The following PCDH11X variants were observed in gnomAD, a reference collection of about 807,000 sequenced individuals.
PCDH11X encodes the protein protocadherin-11 X-linked.
PCDH11X carries 18 observed loss-of-function variants against 53.3 expected under a neutral mutation model. That is an observed-to-expected ratio of 0.34 (90% CI 0.23 to 0.50). The LOEUF (loss-of-function observed/expected upper bound fraction) is 0.50, where lower values mean the gene tolerates loss of function less well. Ranked by LOEUF, PCDH11X falls within the 20% of genes least tolerant of loss-of-function variation. PCDH11X has a pLI of 0.98. For synonymous variants in PCDH11X, 279 were observed against 393.3 expected, an observed-to-expected ratio of 0.71 and a Z score of 3.44; for missense variants, 570 against 1,032.4, an observed-to-expected ratio of 0.55 and a Z score of 6.14.
chrX:92,587,084 G>A (rs1465841132), intron 10 of PCDH11X, among the ~76,000 whole-genome samples: 1 of 105,935 alleles, frequency 9.4e-6, no homozygotes, highest in Non-Finnish European at 1.9e-5. Context: ...GGAAGCTGCT[G>A]AAAGTGCAAG....
intron 8 of PCDH11X, among the ~76,000 whole-genome samples, chrX:92,276,206 G>A (rs980568277): frequency 1.8e-5 from 2 of 108,381 alleles, no homozygotes; most frequent in African/African-American, 3.4e-5. Flanking sequence ...AGAAGGTAAT[G>A]TGGAGTGGGT....
chrX:92,058,725 A>G (rs1302499677), intron 6 of PCDH11X, among the ~76,000 whole-genome samples: 4 of 110,025 alleles, frequency 3.6e-5, no homozygotes, highest in Non-Finnish European at 7.6e-5. Flanking sequence ...GCAGTAATGC[A>G]TGTGTGTTTA....
intron 6 of PCDH11X, among the ~76,000 whole-genome samples, chrX:91,981,615 A>T (rs902446477): frequency 8.9e-6 from 1 of 111,740 alleles, no homozygotes; most frequent in African/African-American, 3.3e-5. Context: ...GCTGATAAAG[A>T]CATACCTGAG....
In PCDH11X at chrX:92,522,123, T is replaced by A. The variant is rs149256012; in HGVS notation, c.3367+53801T>A. 3.9e-3 allele frequency among the ~76,000 whole-genome samples: 441 copies of A among 112,306 alleles called. 1 individual carries two copies. The highest frequency in any genetic ancestry group is 0.014 in the African/African-American group (421 of 30,969). On this transcript the variant is annotated intron_variant, in intron 10 of 10. Transcript: ENST00000682573. Reference sequence around the variant, plus strand: ...TGCAGTCACAACTTGGCAAACTATTTGGTGCAAGAGGTCTAGCTTTTGGCT... The same window carrying A: ...TGCAGTCACAACTTGGCAAACTATTAGGTGCAAGAGGTCTAGCTTTTGGCT...
At chrX:91,793,285 T>C (rs1935619809) in intron 1 of PCDH11X, among the ~76,000 whole-genome samples, 1 of 107,950 alleles carries the variant, frequency 9.3e-6, no homozygotes, top group East Asian at 2.9e-4. Flanking sequence ...GGAATAATAT[T>C]TGTTTTATCA....
chrX:92,062,896 C>T (rs1473849596), intron 6 of PCDH11X, among the ~76,000 whole-genome samples: 2 of 111,425 alleles, frequency 1.8e-5, no homozygotes, highest in Non-Finnish European at 3.8e-5. Context: ...CACATGCACA[C>T]TTATGTTTGT....
chrX:92,409,765 T>C (rs2071603699), intron 9 of PCDH11X, among the ~76,000 whole-genome samples: 1 of 112,247 alleles, frequency 8.9e-6, no homozygotes, highest in African/African-American at 3.2e-5. Context: ...TAACTGTATT[T>C]GATTCACATT....
chrX:92,425,488 G>A (rs965430916), intron 9 of PCDH11X, among the ~76,000 whole-genome samples: 1 of 106,610 alleles, frequency 9.4e-6, no homozygotes, highest in Non-Finnish European at 1.9e-5. Context: ...TTTCAAATTA[G>A]AGACGGTGAA....
At chrX:92,201,834 A>G (rs777729953) in intron 7 of PCDH11X, among the ~76,000 whole-genome samples, 1 of 111,853 alleles carries the variant, frequency 8.9e-6, no homozygotes, top group East Asian at 2.8e-4. Context: ...TTTTATGTTA[A>G]TTAGGCAAAT....
At chrX:92,535,630 C>A (rs946720072) in intron 10 of PCDH11X, among the ~76,000 whole-genome samples, 2 of 111,336 alleles carry the variant, frequency 1.8e-5, no homozygotes, top group African/African-American at 6.5e-5. Context: ...ATGACACAAA[C>A]AACCCTGCAA....
At chrX:92,229,690 CATT>C (rs1478330166) in intron 7 of PCDH11X, among the ~76,000 whole-genome samples, 4 of 111,242 alleles carry the variant, frequency 3.6e-5, no homozygotes, top group Non-Finnish European at 7.6e-5. Context: ...TTTATATTGT[CATT>C]AGGCATTCAG....
At chrX:92,293,143 A>C (rs2068525545) in intron 8 of PCDH11X, among the ~76,000 whole-genome samples, 1 of 109,614 alleles carries the variant, frequency 9.1e-6, no homozygotes, top group African/African-American at 3.3e-5. Flanking sequence ...TAAGAGGCAC[A>C]TCTCAGTGAC....
intron 6 of PCDH11X, among the ~76,000 whole-genome samples, chrX:92,123,952 A>T (rs1373841333): frequency 1.8e-5 from 2 of 109,007 alleles, no homozygotes; most frequent in Non-Finnish European, 3.8e-5. Context: ...ACTGGTCTCC[A>T]TTTTTAATTT....
intron 6 of PCDH11X, among the ~76,000 whole-genome samples, chrX:91,954,316 T>C: frequency 9.0e-6 from 1 of 111,513 alleles, no homozygotes; most frequent in South Asian, 3.8e-4. Context: ...TGCATAGTAT[T>C]CCATGGTGTA....
intron 7 of PCDH11X, among the ~76,000 whole-genome samples, chrX:92,234,461 A>G (rs1263488679): frequency 8.9e-6 from 1 of 112,147 alleles, no homozygotes; most frequent in Non-Finnish European, 1.9e-5. Context: ...GAAACCAGAC[A>G]TATCAAATCT....
chrX:91,892,745 A>G (rs1288798112), intron 6 of PCDH11X, among the ~76,000 whole-genome samples: 1 of 106,073 alleles, frequency 9.4e-6, no homozygotes, highest in African/African-American at 3.5e-5. Context: ...TCTGTTGCCC[A>G]GGCTGGAGTG....
chrX:92,049,009 G>C (rs1290506158), intron 6 of PCDH11X, among the ~76,000 whole-genome samples: 2 of 111,803 alleles, frequency 1.8e-5, no homozygotes, highest in African/African-American at 6.5e-5. Context: ...GAAGACCTGG[G>C]ATCAATAGAA....
At chrX:92,567,955 A>G (rs1318286947) in intron 10 of PCDH11X, among the ~76,000 whole-genome samples, 2 of 109,719 alleles carry the variant, frequency 1.8e-5, no homozygotes, top group African/African-American at 6.7e-5. Flanking sequence ...GCACACGTTT[A>G]CATATGTAGC....
rs771864174 is a variant in PCDH11X, at chrX:92,520,381, G to A, written c.3367+52059G>A. Among the ~76,000 whole-genome samples the A allele has an allele frequency of 5.5e-3, 588 of 106,187 alleles. 1 individual carries two copies. The highest frequency in any genetic ancestry group is 0.019 in the African/African-American group (564 of 29,304). 92.2% of individuals were successfully genotyped at this position (106,187 alleles called of 115,157 possible). ...GCTGAAGATCATCTGCACCTTCAGG[G>A]GATAGTAATCTTGTTGCTGGTGGAA... On this transcript the variant is annotated intron_variant, in intron 10 of 10. Coordinates refer to ENST00000682573, the MANE Select transcript of PCDH11X (RefSeq NM_032968.5).
Sources: allele counts gnomAD v4.1 joint callset (sites outside exome capture counted in the v4.1 genomes callset), GRCh38; gene constraint gnomAD v4.1.1; transcripts MANE v1.5; gene names NCBI Gene and HGNC (gene_info 2026-07-23, HGNC 2026-07-21).